Variants in GRID2 observed in about 807,000 individuals in gnomAD.
GRID2 encodes glutamate ionotropic receptor delta type subunit 2, also known as glutamate receptor ionotropic, delta-2.
GRID2 carries 33 observed loss-of-function variants against 114.8 expected under a neutral mutation model. That is an observed-to-expected ratio of 0.29 (90% CI 0.22 to 0.38). The LOEUF (loss-of-function observed/expected upper bound fraction) is 0.38, where lower values mean the gene tolerates loss of function less well. Among genes scored for constraint, GRID2 ranks in the 10% least tolerant of loss-of-function variants. GRID2 has a pLI of 1.00. For synonymous variants in GRID2, 505 were observed against 449.9 expected (o/e 1.12, Z -1.55); for missense variants, 1,184 against 1,257.7 (o/e 0.94, Z 0.89).
chr4:93,118,869 T>G (rs773348813), intron 4 of GRID2, among the ~76,000 whole-genome samples: 5 of 152,156 alleles, frequency 3.3e-5, no homozygotes, highest in Non-Finnish European at 7.4e-5. Context: ...ATAGCAGAAC[T>G]TTCAACCCTA....
intron 12 of GRID2, among the ~76,000 whole-genome samples, chr4:93,513,102 C>A (rs1362380976): frequency 6.6e-6 from 1 of 152,114 alleles, no homozygotes. Context: ...GCCAAGGGCC[C>A]AATCTTGTAC....
At chr4:93,597,456 G>A (rs71599286) in intron 13 of GRID2, among the ~76,000 whole-genome samples, 74 of 152,262 alleles carry the variant, frequency 4.9e-4, no homozygotes, top group Non-Finnish European at 9.0e-4. Flanking sequence ...CCTAGGATGC[G>A]TTAGGAGTCA....
At chr4:93,077,407 T>C (rs1271834271) in intron 2 of GRID2, among the ~76,000 whole-genome samples, 2 of 152,336 alleles carry the variant, frequency 1.3e-5, no homozygotes, top group South Asian at 2.1e-4. Flanking sequence ...TTTCTCAAGA[T>C]ATTATTCTTA....
At position 93,136,905 on chromosome 4, in the gene GRID2, A is replaced by G. The variant is rs781143311; in HGVS notation, c.735+25952A>G. Among the ~76,000 whole-genome samples, 82 of 152,176 alleles carry G rather than the reference A, an allele frequency of 5.4e-4. 1 individual carries two copies. The highest frequency in any genetic ancestry group is 1.8e-3 in the Admixed American group (27 of 15,282). ...AACTTATTTCATCTTGTTACCAAAA[A>G]TATTAAACTCTTGCTTTCCTTTAAG... is the stretch of plus-strand genomic sequence containing the variant. On this transcript the variant is annotated intron_variant, in intron 4 of 15. Transcript: ENST00000282020.
intron 8 of GRID2, among the ~76,000 whole-genome samples, chr4:93,370,717 T>G (rs1762807691): frequency 6.6e-6 from 1 of 152,188 alleles, no homozygotes; most frequent in South Asian, 2.1e-4. Context: ...CTTACACATC[T>G]TCATAGCTCC....
At chr4:92,783,117 T>C (rs1036930099) in intron 2 of GRID2, among the ~76,000 whole-genome samples, 1 of 152,124 alleles carries the variant, frequency 6.6e-6, no homozygotes, top group African/African-American at 2.4e-5. Flanking sequence ...TAGCTTGAGA[T>C]ATGTTATGCT....
At chr4:92,502,300 A>C (rs1250763842) in intron 1 of GRID2, among the ~76,000 whole-genome samples, 1 of 152,116 alleles carries the variant, frequency 6.6e-6, no homozygotes, top group Non-Finnish European at 1.5e-5. Flanking sequence ...GCTGTATTAA[A>C]AAGTGTAATT....
intron 8 of GRID2, among the ~76,000 whole-genome samples, chr4:93,316,503 T>G (rs2149200295): frequency 6.6e-6 from 1 of 152,144 alleles, no homozygotes; most frequent in Admixed American, 6.6e-5. Context: ...GGAAAAAGAA[T>G]TACCCAAACA....
At chr4:92,934,455 T>TA in intron 2 of GRID2, among the ~76,000 whole-genome samples, 1 of 146,626 alleles carries the variant, frequency 6.8e-6, no homozygotes, top group African/African-American at 2.4e-5. Context: ...TTTCTAGATA[T>TA]ACAATCCCAA....
At chr4:92,545,861 C>T (rs935053310) in intron 1 of GRID2, among the ~76,000 whole-genome samples, 13 of 152,102 alleles carry the variant, frequency 8.5e-5, no homozygotes, top group African/African-American at 2.7e-4. Context: ...CTTCTCAGAG[C>T]CTTAAGTAAA....
intron 1 of GRID2, among the ~76,000 whole-genome samples, chr4:92,425,772 A>C (rs956835642): frequency 1.3e-5 from 2 of 152,140 alleles, no homozygotes; most frequent in African/African-American, 4.8e-5. Context: ...TAAAGTAATC[A>C]ACTTCTCTGT....
chr4:92,307,031 A>T (rs544721469), intron 1 of GRID2, among the ~76,000 whole-genome samples: 17 of 152,278 alleles, frequency 1.1e-4, no homozygotes, highest in Non-Finnish European at 1.8e-4. Context: ...CCTAAATTAA[A>T]AAAATAAAAA....
intron 2 of GRID2, among the ~76,000 whole-genome samples, chr4:92,794,875 T>TATAC (rs1491441798): frequency 5.7e-5 from 1 of 17,568 alleles, no homozygotes; most frequent in Non-Finnish European, 1.1e-4. Flanking sequence ...ATAATTGTTT[T>TATAC]ATATATATAT....
At chr4:93,130,992 T>G (rs1483071932) in intron 4 of GRID2, among the ~76,000 whole-genome samples, 2 of 152,084 alleles carry the variant, frequency 1.3e-5, no homozygotes, top group Admixed American at 1.3e-4. Flanking sequence ...GCATTTAATC[T>G]TTACATTGGC....
At chr4:93,618,093 G>A (rs1296516490) in intron 13 of GRID2, among the ~76,000 whole-genome samples, 3 of 152,110 alleles carry the variant, frequency 2.0e-5, no homozygotes, top group Admixed American at 6.6e-5. Flanking sequence ...GCAAACCTGG[G>A]CAATTGTCAC....
chr4:93,428,609 A>G (rs1226833369), intron 10 of GRID2, among the ~76,000 whole-genome samples: 1 of 152,188 alleles, frequency 6.6e-6, no homozygotes, highest in Non-Finnish European at 1.5e-5. Context: ...TCAAACACAC[A>G]TTTCTATTGT....
intron 1 of GRID2, among the ~76,000 whole-genome samples, chr4:92,378,672 T>C (rs1579265706): frequency 6.6e-6 from 1 of 152,168 alleles, no homozygotes; most frequent in East Asian, 1.9e-4. Flanking sequence ...ATTTTATTCT[T>C]TTCAAAGTTG....
At chr4:93,110,677 G>C in intron 3 of GRID2, 71 bp from the exon 4 acceptor site, 1 of 977,424 alleles carries the variant, frequency 1.0e-6, no homozygotes, top group Non-Finnish European at 1.7e-6. Flanking sequence ...TTCTGATATA[G>C]GTGAAATAGC....
intron 6 of GRID2, chr4:93,217,247 C>G (rs1046889540): frequency 6.0e-6 from 1 of 165,882 alleles, no homozygotes; most frequent in Admixed American, 5.9e-5. Context: ...AATAAATGTG[C>G]TTGACTTTTC....
Sources: gnomAD v4.1 joint callset for allele counts (sites outside exome capture counted in the v4.1 genomes callset) on GRCh38, gnomAD v4.1.1 for gene constraint, MANE v1.5 for transcripts, NCBI Gene and HGNC (gene_info 2026-07-23, HGNC 2026-07-21) for gene names.